GLIS3: variants seen among roughly 807,000 people sequenced by gnomAD.
The protein encoded by GLIS3 is GLIS family zinc finger 3, also known as zinc finger protein GLIS3.
A neutral mutation model predicts 78.6 loss-of-function variants in GLIS3; 53 were observed. The ratio of observed to expected loss-of-function variants is 0.67; its 90% confidence interval spans 0.54 to 0.85. The LOEUF (loss-of-function observed/expected upper bound fraction) is 0.85. Ranked by LOEUF, GLIS3 falls within the 40% of genes least tolerant of loss-of-function variation. The pLI is 0.00. For missense variants in GLIS3, 1,703 were observed against 1,231.1 expected (o/e 1.38, Z -5.74); for synonymous variants, 684 against 509.9 (o/e 1.34, Z -4.60).
chr9:4,099,213 C>T (rs1174714572), intron 4 of GLIS3, among the ~76,000 whole-genome samples: 3 of 152,198 alleles, frequency 2.0e-5, no homozygotes, highest in Non-Finnish European at 4.4e-5. Flanking sequence ...AGAAATGCAT[C>T]GTCTTTAATG....
intron 9 of GLIS3, among the ~76,000 whole-genome samples, chr9:3,845,110 C>CAT (rs1279090826): frequency 1.3e-5 from 2 of 150,970 alleles, no homozygotes; most frequent in South Asian, 2.1e-4. Flanking sequence ...TATAAACATG[C>CAT]ATATATATAT....
intron 2 of GLIS3, among the ~76,000 whole-genome samples, chr9:4,249,396 A>C (rs1824133020): frequency 6.6e-6 from 1 of 152,162 alleles, no homozygotes. Context: ...TGTGAATGGA[A>C]GTTAACTCAT....
At chr9:3,869,796 T>A (rs1820857396) in intron 8 of GLIS3, among the ~76,000 whole-genome samples, 2 of 152,174 alleles carry the variant, frequency 1.3e-5, no homozygotes, top group Non-Finnish European at 2.9e-5. Context: ...AGGTTCCTGC[T>A]CACCAAAAGC....
At chr9:4,040,021 T>C (rs1824666274) in intron 4 of GLIS3, among the ~76,000 whole-genome samples, 1 of 152,142 alleles carries the variant, frequency 6.6e-6, no homozygotes, top group Non-Finnish European at 1.5e-5. Context: ...CCTACTTCAG[T>C]GGATTCCAAA....
chr9:4,357,739 C>G, the GLIS3 span, among the ~76,000 whole-genome samples: 2 of 152,144 alleles, frequency 1.3e-5, no homozygotes, highest in Non-Finnish European at 2.9e-5. Flanking sequence ...AACTAGTGGC[C>G]TTCTAGGAAT....
intron 7 of GLIS3, among the ~76,000 whole-genome samples, chr9:3,886,495 T>C (rs1822082003): frequency 6.6e-6 from 1 of 152,250 alleles, no homozygotes; most frequent in Non-Finnish European, 1.5e-5. Context: ...CAATTGTCCC[T>C]CTTGAAGCTT....
chr9:4,406,704 C>T, the GLIS3 span, among the ~76,000 whole-genome samples: 1 of 152,062 alleles, frequency 6.6e-6, no homozygotes, highest in Non-Finnish European at 1.5e-5. Context: ...ATTTACAATA[C>T]CCATACATAA....
At chr9:4,254,793 C>A (rs1738830512) in intron 2 of GLIS3, among the ~76,000 whole-genome samples, 1 of 151,258 alleles carries the variant, frequency 6.6e-6, no homozygotes, top group Non-Finnish European at 1.5e-5. Flanking sequence ...TGAGCCAAGA[C>A]CGTGCCACTG....
At chr9:4,319,982 GTTGTGTGTGTGTGTGTGT>G (rs1474498255) in intron 2 of GLIS3, among the ~76,000 whole-genome samples, 3 of 117,114 alleles carry the variant, frequency 2.6e-5, no homozygotes, top group African/African-American at 1.0e-4. Flanking sequence ...AGTAGAGGGG[GTTGTGTGTGTGTGTGTGT>G]GTGTGTGTGT....
chr9:4,257,578 T>TGTG (rs1825087324), intron 2 of GLIS3, among the ~76,000 whole-genome samples: 1 of 49,752 alleles, frequency 2.0e-5, no homozygotes, highest in Non-Finnish European at 5.0e-5. Context: ...TTGTTGTTGT[T>TGTG]GTTGTTATTT....
rs1215517101 is a variant in GLIS3, at chr9:4,118,223, C to G, written c.1255G>C (p.Gly419Arg). ...NHMVVQHGLP[G>R]PDSQSAGLFK... is the part of the protein sequence containing the mutation. ...AGGCCGGCCGACTGGCTGTCGGGGC[C>G]CGGCAGGCCATGCTGCACCACCATG... Residue 419 changes from glycine to arginine, a missense_variant, in exon 4 of 11, where the codon GGC becomes CGC. Transcript: ENST00000381971. This position sits in a 1 kb window ranked among gnomAD's most constrained non-coding sequence, Gnocchi z 4.7. The G allele has an allele frequency of 6.3e-7, 1 of 1,586,162 alleles. No homozygotes were observed. The highest frequency in any genetic ancestry group is 8.6e-7 in the Non-Finnish European group (1 of 1,166,534).
At chr9:4,229,063 T>G (rs1453346980) in intron 2 of GLIS3, among the ~76,000 whole-genome samples, 5 of 152,114 alleles carry the variant, frequency 3.3e-5, no homozygotes, top group Non-Finnish European at 7.3e-5. Context: ...GCTCCAAAAT[T>G]AGTTGTTAGG....
At chr9:4,279,487 T>C (rs1432451469) in intron 2 of GLIS3, among the ~76,000 whole-genome samples, 2 of 150,866 alleles carry the variant, frequency 1.3e-5, no homozygotes, top group Non-Finnish European at 3.0e-5. Flanking sequence ...CCAAACTAAT[T>C]GGGATTAAAA....
At chr9:4,198,278 G>A (rs1017573600) in intron 2 of GLIS3, among the ~76,000 whole-genome samples, 1 of 152,242 alleles carries the variant, frequency 6.6e-6, no homozygotes, top group East Asian at 1.9e-4. Context: ...TCCAGGAAAT[G>A]AAAGAAAAGA....
upstream of GLIS3, among the ~76,000 whole-genome samples, chr9:4,303,810 G>C (rs12552230): frequency 6.6e-6 from 1 of 152,040 alleles, no homozygotes; most frequent in Non-Finnish European, 1.5e-5. Flanking sequence ...ATATTACTTA[G>C]GTATATCTAC....
At chr9:4,186,920 G>C (rs1481147132) in intron 2 of GLIS3, among the ~76,000 whole-genome samples, 1 of 152,058 alleles carries the variant, frequency 6.6e-6, no homozygotes. Context: ...AGTAGGTTGG[G>C]AAAATTTTCT....
chr9:4,262,895 T>A (rs1311123899), intron 2 of GLIS3, among the ~76,000 whole-genome samples: 2 of 142,078 alleles, frequency 1.4e-5, no homozygotes, highest in Non-Finnish European at 3.0e-5. Flanking sequence ...GTAGTTCACA[T>A]GGTAGCTGAC....
intron 2 of GLIS3, among the ~76,000 whole-genome samples, chr9:4,148,932 C>T (rs1228952354): frequency 1.3e-5 from 2 of 152,080 alleles, no homozygotes; most frequent in African/African-American, 2.4e-5. Context: ...CAAAGCTCGT[C>T]CCTATCAACA....
chr9:4,392,791 C>T, the GLIS3 span, among the ~76,000 whole-genome samples: 26 of 152,236 alleles, frequency 1.7e-4, no homozygotes, highest in Middle Eastern at 3.4e-3. Context: ...TTCTCTGAGT[C>T]AATCCTACAG....
Sources: gnomAD v4.1 joint callset for allele counts (sites outside exome capture counted in the v4.1 genomes callset) on GRCh38, gnomAD v4.1.1 for gene constraint, Gnocchi (gnomAD v3.1) non-coding constraint, MANE v1.5 for transcripts, NCBI Gene and HGNC (gene_info 2026-07-23, HGNC 2026-07-21) for gene names.